Variants in GRID2 observed in about 807,000 individuals in gnomAD.
GRID2 encodes the protein glutamate ionotropic receptor delta type subunit 2.
Under a neutral mutation model 114.8 loss-of-function variants are expected in GRID2, and 33 were observed. The ratio of observed to expected loss-of-function variants is 0.29; its 90% confidence interval spans 0.22 to 0.38. The LOEUF is 0.38. Ranked by LOEUF, GRID2 falls within the 10% of genes least tolerant of loss-of-function variation. The pLI is 1.00. For synonymous variants in GRID2, 505 were observed against 449.9 expected, an observed-to-expected ratio of 1.12 and a Z score of -1.55; for missense variants, 1,184 against 1,257.7, an observed-to-expected ratio of 0.94 and a Z score of 0.89.
chr4:92,582,265 A>G (rs1728219419), intron 1 of GRID2, among the ~76,000 whole-genome samples: 2 of 151,942 alleles, frequency 1.3e-5, no homozygotes, highest in Admixed American at 1.3e-4. Context: ...AGTAAGCAAC[A>G]ACAACAACAA....
chr4:93,392,094 G>A (rs924767806), intron 8 of GRID2, among the ~76,000 whole-genome samples: 4 of 152,230 alleles, frequency 2.6e-5, no homozygotes, highest in East Asian at 1.9e-4. Flanking sequence ...AGTGAATCTT[G>A]TTTTGCCATC....
intron 13 of GRID2, among the ~76,000 whole-genome samples, chr4:93,533,292 TC>T (rs1208135359): frequency 4.9e-5 from 7 of 144,242 alleles, no homozygotes; most frequent in African/African-American, 7.7e-5. Context: ...CTTCCTTCCT[TC>T]CTTCCTTCCT....
chr4:92,445,258 T>C (rs77311075), intron 1 of GRID2, among the ~76,000 whole-genome samples: 1,694 of 152,326 alleles, frequency 0.011, 16 homozygotes, highest in Non-Finnish European at 0.018. Context: ...CAGACTCTCT[T>C]GCCCTAGAAT....
chr4:93,407,434 T>C (rs1263877837), intron 9 of GRID2, among the ~76,000 whole-genome samples: 2 of 152,144 alleles, frequency 1.3e-5, no homozygotes, highest in African/African-American at 4.8e-5. Flanking sequence ...TTATAATATG[T>C]TCCTTGGGAT....
intron 1 of GRID2, among the ~76,000 whole-genome samples, chr4:93,784,834 T>C (rs933099446): frequency 1.3e-5 from 2 of 152,142 alleles, no homozygotes; most frequent in African/African-American, 4.8e-5. Context: ...GAAGATGCTC[T>C]TCTAGGTATG....
chr4:92,778,244 T>A (rs1343186121), intron 2 of GRID2, among the ~76,000 whole-genome samples: 1 of 152,166 alleles, frequency 6.6e-6, no homozygotes, highest in Non-Finnish European at 1.5e-5. Flanking sequence ...TGTTTTTTTT[T>A]AAATCGACAA....
chr4:92,802,136 T>A (rs544604212), intron 2 of GRID2, among the ~76,000 whole-genome samples: 1 of 152,020 alleles, frequency 6.6e-6, no homozygotes, highest in Non-Finnish European at 1.5e-5. Context: ...ATATACAATA[T>A]TTTTTAGAGA....
chr4:93,762,574 G>A (rs1733301873), intron 14 of GRID2, among the ~76,000 whole-genome samples: 1 of 152,054 alleles, frequency 6.6e-6, no homozygotes, highest in Non-Finnish European at 1.5e-5. Flanking sequence ...TCTGACCAGA[G>A]GATTCTAACA....
At chr4:93,190,493 T>C (rs1740877504) in intron 4 of GRID2, among the ~76,000 whole-genome samples, 1 of 152,164 alleles carries the variant, frequency 6.6e-6, no homozygotes, top group Admixed American at 6.5e-5. Flanking sequence ...AGTTTGAATT[T>C]CAAACAGCAA....
At chr4:92,306,233 T>G (rs759432552) in intron 1 of GRID2, among the ~76,000 whole-genome samples, 1 of 152,244 alleles carries the variant, frequency 6.6e-6, no homozygotes, top group Admixed American at 6.5e-5. Flanking sequence ...AGTAGAACTG[T>G]CTGTCTCTGT....
intron 2 of GRID2, among the ~76,000 whole-genome samples, chr4:92,929,337 T>C (rs113901181): frequency 4.6e-5 from 7 of 151,488 alleles, no homozygotes; most frequent in African/African-American, 1.7e-4. Context: ...ACATTCATAA[T>C]TTTGTTTCTT....
intron 2 of GRID2, among the ~76,000 whole-genome samples, chr4:92,959,102 T>G (rs1213604621): frequency 1.3e-5 from 2 of 149,534 alleles, no homozygotes; most frequent in African/African-American, 4.9e-5. Context: ...GGCATACAGA[T>G]TTTATTGATT....
chr4:92,610,155 T>A (rs181597622), intron 2 of GRID2, among the ~76,000 whole-genome samples: 1 of 151,684 alleles, frequency 6.6e-6, no homozygotes, highest in East Asian at 2.0e-4. Context: ...CATTCCAACT[T>A]AAACACAAGC....
chr4:92,952,490 C>T (rs111471064), intron 2 of GRID2, among the ~76,000 whole-genome samples: 3,070 of 152,220 alleles, frequency 0.02, 44 homozygotes, highest in East Asian at 0.054. Flanking sequence ...AGAAATATTT[C>T]ATATTTTGTG....
At chr4:92,882,500 A>ATT (rs1371370985) in intron 2 of GRID2, among the ~76,000 whole-genome samples, 1 of 149,356 alleles carries the variant, frequency 6.7e-6, no homozygotes, top group Non-Finnish European at 1.5e-5. Flanking sequence ...TGGCTCTCTC[A>ATT]TTTTTTTTTT....
chr4:92,908,176 T>A (rs956192832), intron 2 of GRID2, among the ~76,000 whole-genome samples: 4 of 152,198 alleles, frequency 2.6e-5, no homozygotes, highest in African/African-American at 9.6e-5. Context: ...GCATTCCTAA[T>A]CTGATTTTGT....
intron 2 of GRID2, among the ~76,000 whole-genome samples, chr4:92,752,445 G>C (rs537074287): frequency 6.6e-6 from 1 of 152,268 alleles, no homozygotes; most frequent in South Asian, 2.1e-4. Flanking sequence ...ACAAAGGTAT[G>C]AATGGATTCT....
intron 8 of GRID2, among the ~76,000 whole-genome samples, chr4:93,370,489 ACG>A (rs1491088039): frequency 3.4e-5 from 5 of 146,910 alleles, no homozygotes; most frequent in Non-Finnish European, 5.9e-5. Flanking sequence ...ACACACACAC[ACG>A]CACACACACA....
chr4:92,664,175 T>C (rs1732656091), intron 2 of GRID2, among the ~76,000 whole-genome samples: 1 of 151,268 alleles, frequency 6.6e-6, no homozygotes, highest in African/African-American at 2.4e-5. Context: ...TTTCAGTTAT[T>C]ATACTTCCCA....
Sources: allele counts gnomAD v4.1 joint callset (sites outside exome capture counted in the v4.1 genomes callset), GRCh38; gene constraint gnomAD v4.1.1; transcripts MANE v1.5; gene names NCBI Gene and HGNC (gene_info 2026-07-23, HGNC 2026-07-21).